ARHGEF1: variants seen among roughly 807,000 people sequenced by gnomAD.
The protein encoded by ARHGEF1 is 115 kDa guanine nucleotide exchange factor.
ARHGEF1 carries 40 observed loss-of-function variants against 119.7 expected under a neutral mutation model. That is an observed-to-expected ratio of 0.33 (90% confidence interval 0.26 to 0.44). ARHGEF1 has a LOEUF of 0.44. Among genes scored for constraint, ARHGEF1 ranks in the 20% least tolerant of loss-of-function variants. The pLI is 1.00. For synonymous variants in ARHGEF1, 494 were observed against 521.0 expected (o/e 0.95, Z 0.71); for missense variants, 976 against 1,268.3 (o/e 0.77, Z 3.50).
intron 1 of ARHGEF1, among the ~76,000 whole-genome samples, chr19:41,884,984 G>A (rs910260200): frequency 6.6e-6 from 1 of 152,110 alleles, no homozygotes; most frequent in East Asian, 1.9e-4. Flanking sequence ...AGTTCTTGGA[G>A]ACCCTGAGTC....
chr19:41,926,760 C>T (rs1280629270), intron 1 of ARHGEF1, among the ~76,000 whole-genome samples: 2 of 152,264 alleles, frequency 1.3e-5, no homozygotes, highest in East Asian at 1.9e-4. Context: ...TAGATCCGCG[C>T]GCCGCTTGTC....
At chr19:41,912,368 C>T (rs2145884706), downstream of ARHGEF1, among the ~76,000 whole-genome samples, 1 of 152,232 alleles carries the variant, frequency 6.6e-6, no homozygotes, top group East Asian at 1.9e-4. Flanking sequence ...ACCAGCTTCA[C>T]CGTCCACCAA....
intron 12 of ARHGEF1, among the ~76,000 whole-genome samples, chr19:41,895,813 GCTGGCCCCCTAGGT>G (rs1555847439): frequency 6.6e-6 from 1 of 152,032 alleles, no homozygotes; most frequent in East Asian, 1.9e-4. Flanking sequence ...GAGCTGCATT[GCTGGCCCCCTAGGT>G]GGGGAGCCCG....
chr19:41,913,191 A>G (rs1555851409), intron 18 of ARHGEF1, among the ~76,000 whole-genome samples: 1 of 149,940 alleles, frequency 6.7e-6, no homozygotes, highest in African/African-American at 2.5e-5. Flanking sequence ...CTCCATCACT[A>G]ACTACGCCGC....
chr19:41,906,622 T>TG lies in ARHGEF1; in HGVS notation c.2655+6dup. On this transcript the variant is annotated splice_region_variant and intron_variant, in intron 27 of 28. Transcript: ENST00000354532. This position sits in a 1 kb window ranked among gnomAD's most constrained non-coding sequence, Gnocchi z 4.5. Reference sequence around the variant, plus strand: ...GAGGAGACCATGAAGCAGCTGGAGGTGGGGCGGGACGGGCCAGGGGTGCCC... The same window carrying TG: ...GAGGAGACCATGAAGCAGCTGGAGGTGGGGGCGGGACGGGCCAGGGGTGCCC... 1 of 1,602,466 alleles carries TG rather than the reference T, an allele frequency of 6.2e-7. No homozygotes were observed. Among genetic ancestry groups the TG allele is most frequent in the South Asian group, 1.1e-5 (1 of 89,888 alleles).
Position 41,894,325 on chromosome 19 carries a change from C to G in ARHGEF1, c.744+19C>G. 1 of 1,524,794 alleles carries G rather than the reference C, an allele frequency of 6.6e-7. No individual in the cohort carries two copies. The highest frequency in any genetic ancestry group is 1.3e-5 in the South Asian group (1 of 77,660). 94.5% of individuals were successfully genotyped at this position (1,524,794 alleles called of 1,614,324 possible). On this transcript the variant is annotated intron_variant, in intron 9 of 28. Coordinates refer to ENST00000354532, the MANE Select transcript of ARHGEF1 (RefSeq NM_004706.4). ...GAAAAAGGTGCTTCCCTCAGTGCCCCGTCCTGACCCTTTCCTCTCCAGAGA... is the reference window on the plus strand; with the variant it reads ...GAAAAAGGTGCTTCCCTCAGTGCCCGGTCCTGACCCTTTCCTCTCCAGAGA...
chr19:41,924,450 G>A (rs1377990442), intron 1 of ARHGEF1, among the ~76,000 whole-genome samples: 1 of 152,116 alleles, frequency 6.6e-6, no homozygotes, highest in African/African-American at 2.4e-5. Flanking sequence ...TGGGTGTGAA[G>A]AACTTGGTGT....
upstream of ARHGEF1, among the ~76,000 whole-genome samples, chr19:41,922,142 T>G (rs2074845963): frequency 2.0e-5 from 3 of 152,014 alleles, no homozygotes; most frequent in South Asian, 6.2e-4. Context: ...AACCAGCTAC[T>G]CAGGGAGCCC....
upstream of ARHGEF1, among the ~76,000 whole-genome samples, chr19:41,921,097 C>A (rs544044561): frequency 6.6e-6 from 1 of 152,252 alleles, no homozygotes; most frequent in Non-Finnish European, 1.5e-5. The surrounding 1 kb of genome is among the most constrained non-coding windows in gnomAD (Gnocchi z 4.4). Flanking sequence ...CAGTGCCACG[C>A]ACCCCGCCTA....
chr19:41,902,289 G>A lies in ARHGEF1; in HGVS notation c.1430G>A (p.Arg477His), dbSNP rs782431103. The change falls in exon 16 of 29, where the codon CGC becomes CAC. Residue 477 changes from arginine (R) to histidine (H), a missense_variant. By Grantham distance (29) the Arg-to-His change is conservative. Transcript: ENST00000354532. This position sits in a 1 kb window ranked among gnomAD's most constrained non-coding sequence, Gnocchi z 6.5. ...LIEVHSLFLD[R>H]LMKRRQESGY... ...GCCCCCACAGCCCTGTTCCTCGATC[G>A]CCTGATGAAGCGGAGGCAGGAGAGT... 45 of 1,614,030 alleles carry A rather than the reference G, an allele frequency of 2.8e-5. No individual in the cohort carries two copies. Among genetic ancestry groups the A allele is most frequent in the African/African-American group, 8.0e-5 (6 of 74,892 alleles).
chr19:41,888,066 C>T lies in ARHGEF1; in HGVS notation c.-17C>T, dbSNP rs545895111. 424 of 1,612,660 alleles carry T rather than the reference C, an allele frequency of 2.6e-4. 6 individuals carry two copies. The South Asian group carries it at 4.4e-3, about 17-fold the overall frequency. ...CACAGCCCCTCCTCTTCCTCCAGCC[C>T]TGCAGAGCCCAGGGAGATGGAAGAC... is the stretch of plus-strand genomic sequence containing the variant. On this transcript the variant is annotated splice_region_variant and 5_prime_UTR_variant, in exon 2 of 29. Coordinates refer to ENST00000354532, the MANE Select transcript of ARHGEF1 (RefSeq NM_004706.4). The surrounding 1 kb of genome is among the most constrained non-coding windows in gnomAD (Gnocchi z 5.1).
chr19:41,894,451 G>A lies in ARHGEF1; in HGVS notation c.745G>A (p.Val249Met). 1 of 1,559,706 alleles carries A rather than the reference G, an allele frequency of 6.4e-7. No individual in the cohort carries two copies. The highest frequency in any genetic ancestry group is 1.8e-5 in the Admixed American group (1 of 54,684). The change falls in exon 10 of 29, where the codon GTG becomes ATG. Residue 249 changes from valine to methionine, a missense_variant and splice_region_variant. Val to Met is a conservative substitution (Grantham distance 21). Coordinates refer to ENST00000354532, the MANE Select transcript of ARHGEF1 (RefSeq NM_004706.4). ...GGTCTTCCTCCCCGCCCTCTCACAG[G>A]TGATGGGGAACCGGCGGTCGGACGA... The part of the protein sequence containing the change: ...KSGRNFFRKK[V>M]MGNRRSDEPA...
At position 41,916,082 on chromosome 19, in the gene ARHGEF1, G is replaced by A. The variant is rs1011414251; in HGVS notation, c.1866-7010G>A. Among the ~76,000 whole-genome samples the A allele has an allele frequency of 6.6e-5, 10 of 151,688 alleles. No individual in the cohort carries two copies. Among genetic ancestry groups the A allele is most frequent in the Non-Finnish European group, 1.2e-4 (8 of 67,974 alleles). On this transcript the variant is annotated intron_variant, in intron 18 of 20. Transcript: ENST00000599589. The surrounding 1 kb of genome is among the most constrained non-coding windows in gnomAD (Gnocchi z 5.4). ...ACCGAATGTGTGTGCGCATGTGAGC[G>A]AAGCGGTGTGCAGAGGCGCTGGGCA...
intron 10 of ARHGEF1, 32 bp from the exon 11 acceptor site, chr19:41,894,594 C>A (rs1555847120): frequency 1.2e-6 from 2 of 1,613,920 alleles, no homozygotes; most frequent in African/African-American, 2.7e-5. Flanking sequence ...CCCAGCTGCT[C>A]CCACTCACTG....
At position 41,903,805 on chromosome 19, in the gene ARHGEF1, C is replaced by G. The variant is rs781946207; in HGVS notation, c.1917+21C>G. 1.9e-6 allele frequency: 3 copies of G among 1,611,424 alleles called. No homozygotes were observed. The highest frequency in any genetic ancestry group is 1.7e-5 in the Admixed American group (1 of 60,008). ...TCAAGGTGTGACCATACCCTCCTGC[C>G]TCCCCCGCCCCCCTACTCCTTGGCC... On this transcript the variant is annotated intron_variant, in intron 20 of 28. Coordinates refer to ENST00000354532, the MANE Select transcript of ARHGEF1 (RefSeq NM_004706.4). The surrounding 1 kb of genome is among the most constrained non-coding windows in gnomAD (Gnocchi z 4.2).
In ARHGEF1 at chr19:41,903,936, C is replaced by G. The variant is rs1179136750; in HGVS notation, c.1918-99C>G. 1.4e-6 allele frequency: 2 copies of G among 1,392,506 alleles called. No individual in the cohort carries two copies. Among genetic ancestry groups the G allele is most frequent in the Non-Finnish European group, 2.0e-6 (2 of 992,520 alleles). 86.3% of individuals were successfully genotyped at this position (1,392,506 alleles called of 1,614,324 possible). A position where few individuals can be genotyped will look rare whatever the true frequency, so the allele number is the denominator to read the frequency against. ...CTCATGCCAATCCCATGATCCCCAG[C>G]CTGTGGTCATCCCCGGCCACTGCCC... On this transcript the variant is annotated intron_variant, in intron 20 of 28. Transcript: ENST00000354532. The surrounding 1 kb of genome is among the most constrained non-coding windows in gnomAD (Gnocchi z 4.2).
intron 1 of ARHGEF1, among the ~76,000 whole-genome samples, chr19:41,924,975 T>C (rs1213759647): frequency 6.6e-6 from 1 of 152,032 alleles, no homozygotes; most frequent in Non-Finnish European, 1.5e-5. Flanking sequence ...GGGTTCCCAA[T>C]GCTTGCAAAA....
downstream of ARHGEF1, chr19:41,907,464 G>A: frequency 6.8e-7 from 1 of 1,469,586 alleles, no homozygotes. Context: ...ATCTGTGTGT[G>A]TGATGGCGGG....
At chr19:41,895,755 C>G (rs1599645196) in intron 12 of ARHGEF1, among the ~76,000 whole-genome samples, 1 of 152,144 alleles carries the variant, frequency 6.6e-6, no homozygotes, top group Non-Finnish European at 1.5e-5. Flanking sequence ...TTCCATCAAC[C>G]CTTCCTTTTC....
Sources: allele counts gnomAD v4.1 joint callset (sites outside exome capture counted in the v4.1 genomes callset), GRCh38; gene constraint gnomAD v4.1.1; non-coding constraint Gnocchi (gnomAD v3.1); transcripts MANE v1.5; gene names NCBI Gene and HGNC (gene_info 2026-07-23, HGNC 2026-07-21).